Variants in SLC22A16 observed in about 807,000 individuals in gnomAD.
SLC22A16 encodes WUGSC:RG331P03.1.
A neutral mutation model predicts 52.9 loss-of-function variants in SLC22A16; 53 were observed. That is an observed-to-expected ratio of 1.00 (90% CI 0.80 to 1.26). The LOEUF is 1.26. Among genes scored for constraint, SLC22A16 ranks in the 50% most tolerant of loss-of-function variants. The pLI, the probability that SLC22A16 is intolerant of heterozygous loss-of-function variation, is 0.00. For missense variants in SLC22A16, 726 were observed against 704.0 expected (o/e 1.03, Z -0.35); for synonymous variants, 291 against 268.8 (o/e 1.08, Z -0.81).
chr6:110,443,310 A>T (rs1302403284), intron 3 of SLC22A16, among the ~76,000 whole-genome samples: 1 of 152,262 alleles, frequency 6.6e-6, no homozygotes. Context: ...AGAACTGGAT[A>T]AAATATTTGC....
intron 7 of SLC22A16, among the ~76,000 whole-genome samples, chr6:110,429,303 C>A (rs910037314): frequency 1.3e-5 from 2 of 152,108 alleles, no homozygotes; most frequent in Admixed American, 1.3e-4. Flanking sequence ...GATCTAACAC[C>A]CCAATGGCAC....
Position 110,453,403 on chromosome 6 carries a change from T to G in SLC22A16, c.533+3135A>C, listed in dbSNP as rs1039716718. Reference sequence around the variant, plus strand: ...TATGAGAATCCTCTCAGGCCCAAGATGAGGGTATACAAAGAATATTCAATT... The same window carrying G: ...TATGAGAATCCTCTCAGGCCCAAGAGGAGGGTATACAAAGAATATTCAATT... On this transcript the variant is annotated intron_variant, in intron 2 of 7. Transcript: ENST00000368919. Among the ~76,000 whole-genome samples the G allele has an allele frequency of 2.0e-4, 30 of 152,324 alleles. 1 individual carries two copies. The highest frequency in any genetic ancestry group is 7.2e-4 in the African/African-American group (30 of 41,564).
rs767613854 is a variant in SLC22A16, at chr6:110,442,658, C to A, written c.769G>T (p.Val257Leu). The change falls in exon 4 of 8, where the codon GTG (valine) becomes TTG (leucine). Residue 257 changes from valine (V) to leucine (L), a missense_variant. Coordinates refer to ENST00000368919, the MANE Select transcript of SLC22A16 (RefSeq NM_033125.4). ...CTGACCAAGTATCCTGTCAAAGCCA[C>A]CAGCAGGGTTCCAACTGCAAAAAAG... ...HSFFAVGTLL[V>L]ALTGYLVRTW... The A allele has an allele frequency of 6.2e-6, 10 of 1,614,116 alleles. No homozygotes were observed. Among genetic ancestry groups the A allele is most frequent in the Non-Finnish European group, 8.5e-6 (10 of 1,179,994 alleles).
intron 1 of SLC22A16, among the ~76,000 whole-genome samples, chr6:110,474,068 C>T (rs992348969): frequency 5.3e-5 from 8 of 152,148 alleles, no homozygotes; most frequent in East Asian, 3.9e-4. Context: ...CTCATAGGAA[C>T]GTGAACCCCA....
Position 110,456,877 on chromosome 6 carries a change from T to C in SLC22A16, c.194A>G (p.Asn65Ser), listed in dbSNP as rs754335945. The C allele has an allele frequency of 3.1e-6, 5 of 1,614,080 alleles. No individual in the cohort carries two copies. In the Admixed American group the frequency reaches 5.0e-5, roughly 16 times the overall value. The part of the protein sequence containing the change: ...PGNVSQVVFH[N>S]HSNWSLEDTG... ...GTCCTCCAAACTCCAATTAGAGTGA[T>C]TATGGAAAACAACCTGACTCACATT... The change falls in exon 2 of 8, where the codon AAT becomes AGT. Residue 65 changes from asparagine (N) to serine (S), a missense_variant. Transcript: ENST00000368919.
chr6:110,454,636 ATAT>A (rs1775524595), intron 2 of SLC22A16, among the ~76,000 whole-genome samples: 10 of 51,468 alleles, frequency 1.9e-4, no homozygotes, highest in Non-Finnish European at 2.8e-4. Context: ...ATATTTATAT[ATAT>A]TATATATTTT....
chr6:110,427,589 A>C (rs925530227), intron 7 of SLC22A16, among the ~76,000 whole-genome samples: 3 of 152,106 alleles, frequency 2.0e-5, no homozygotes, highest in Non-Finnish European at 4.4e-5. Flanking sequence ...CTAGTCAGGC[A>C]GTCGGGTTCA....
chr6:110,468,629 G>A (rs1374576606), intron 1 of SLC22A16, among the ~76,000 whole-genome samples: 10 of 145,836 alleles, frequency 6.9e-5, no homozygotes, highest in East Asian at 2.0e-4. Flanking sequence ...CTGGGTAAGC[G>A]AGCGAGGCTC....
intron 2 of SLC22A16, among the ~76,000 whole-genome samples, chr6:110,447,610 A>T (rs778732771): frequency 2.0e-5 from 3 of 152,114 alleles, no homozygotes; most frequent in Non-Finnish European, 4.4e-5. Context: ...TAATTCCAGG[A>T]TACGTTAATC....
chr6:110,442,543 A>G lies in SLC22A16; in HGVS notation c.884T>C (p.Leu295Pro). Residue 295 changes from leucine to proline, a missense_variant, in exon 4 of 8, where the codon CTT becomes CCT. Coordinates refer to ENST00000368919, the MANE Select transcript of SLC22A16 (RefSeq NM_033125.4). Reference sequence around the variant, plus strand: ...TTCTTCATATCGTCCCTCTGAGAGAAGCCAAAAAGGTGTCTCTGGGAGCAC... The same window carrying G: ...TTCTTCATATCGTCCCTCTGAGAGAGGCCAAAAAGGTGTCTCTGGGAGCAC... Reference protein sequence around the residue: ...CWVLPETPFWLLSEGRYEEAQ... With the variant: ...CWVLPETPFWPLSEGRYEEAQ... The G allele has an allele frequency of 6.2e-7, 1 of 1,614,176 alleles. No individual in the cohort carries two copies. The highest frequency in any genetic ancestry group is 8.5e-7 in the Non-Finnish European group (1 of 1,180,042).
At chr6:110,443,184 GA>G (rs1775043902) in intron 3 of SLC22A16, among the ~76,000 whole-genome samples, 1 of 152,112 alleles carries the variant, frequency 6.6e-6, no homozygotes, top group Non-Finnish European at 1.5e-5. Flanking sequence ...CTAGTGGTAA[GA>G]AAAACTGATT....
At chr6:110,442,929 G>A (rs536588730) in intron 3 of SLC22A16, among the ~76,000 whole-genome samples, 154 bp from the exon 4 acceptor site, 9 of 152,220 alleles carry the variant, frequency 5.9e-5, no homozygotes, top group Admixed American at 4.6e-4. Context: ...CATTCAATCC[G>A]ATCTATCTTT....
At chr6:110,452,475 TAAGTAG>T (rs1327277220) in intron 2 of SLC22A16, among the ~76,000 whole-genome samples, 2 of 152,322 alleles carry the variant, frequency 1.3e-5, no homozygotes, top group East Asian at 3.9e-4. Flanking sequence ...AGTACAATGC[TAAGTAG>T]AAGACATGTT....
rs370379406 is a variant in SLC22A16 at position 110,442,243 on chromosome 6, C to T, written c.1183+1G>A. ...AATTTAAATATACTGTAACTACTTA[C>T]CCAGGAGGAAGAGGTTTAAGTATTC... On this transcript the variant is annotated splice_donor_variant, in intron 4 of 7. Transcript: ENST00000368919. LOFTEE classifies it high-confidence loss of function. 1.2e-6 allele frequency: 2 copies of T among 1,612,512 alleles called. No individual in the cohort carries two copies. Among genetic ancestry groups the T allele is most frequent in the African/African-American group, 2.7e-5 (2 of 74,862 alleles).
intron 2 of SLC22A16, among the ~76,000 whole-genome samples, chr6:110,453,906 T>A (rs892921630): frequency 2.0e-5 from 3 of 152,130 alleles, no homozygotes; most frequent in Admixed American, 6.5e-5. Flanking sequence ...AGCAGACACA[T>A]GTAAAGAGAG....
At chr6:110,475,441 C>T (rs1776427811) in intron 1 of SLC22A16, among the ~76,000 whole-genome samples, 1 of 152,178 alleles carries the variant, frequency 6.6e-6, no homozygotes. Context: ...AGGCACAAGG[C>T]AGCGTTCAAT....
intron 1 of SLC22A16, among the ~76,000 whole-genome samples, chr6:110,459,077 T>C (rs1159491888): frequency 6.6e-6 from 1 of 152,112 alleles, no homozygotes; most frequent in Non-Finnish European, 1.5e-5. Context: ...ACCATACTCA[T>C]ATAAATAAAT....
intron 3 of SLC22A16, among the ~76,000 whole-genome samples, chr6:110,446,504 T>C (rs1775177027): frequency 6.6e-6 from 1 of 152,176 alleles, no homozygotes; most frequent in Admixed American, 6.5e-5. Flanking sequence ...CTGTTTTCAT[T>C]CTTCCTGTAC....
At chr6:110,446,360 C>G (rs112922486) in intron 3 of SLC22A16, among the ~76,000 whole-genome samples, 14 of 152,300 alleles carry the variant, frequency 9.2e-5, no homozygotes, top group African/African-American at 3.1e-4. Context: ...CTACAGTTTA[C>G]AGACTGCAAC....
Sources: allele counts gnomAD v4.1 joint callset (sites outside exome capture counted in the v4.1 genomes callset), GRCh38; gene constraint gnomAD v4.1.1; transcripts MANE v1.5; gene names NCBI Gene and HGNC (gene_info 2026-07-23, HGNC 2026-07-21).